KCNMA1: variants seen among roughly 807,000 people sequenced by gnomAD.
The protein encoded by KCNMA1 is potassium calcium-activated channel subfamily M alpha 1, also known as Calcium-activated potassium channel subunit alpha-1.
KCNMA1 carries 29 observed loss-of-function variants against 140.0 expected under a neutral mutation model. That is an observed-to-expected ratio of 0.21 (90% CI 0.15 to 0.28). The LOEUF (loss-of-function observed/expected upper bound fraction) is 0.28, where lower values mean the gene tolerates loss of function less well. Ranked by LOEUF, KCNMA1 falls within the 10% of genes least tolerant of loss-of-function variation. KCNMA1 has a pLI of 1.00. For synonymous variants in KCNMA1, 612 were observed against 611.9 expected (o/e 1.00, Z 0.00); for missense variants, 880 against 1,602.2 (o/e 0.55, Z 7.70).
rs2152885623 is a variant in KCNMA1, at chr10:76,944,890, T to C, written c.2785A>G (p.Asn929Asp). 1.2e-6 allele frequency: 2 copies of C among 1,614,006 alleles called. No individual in the cohort carries two copies. Among genetic ancestry groups the C allele is most frequent in the Non-Finnish European group, 1.7e-6 (2 of 1,179,954 alleles). Reference sequence around the variant, plus strand: ...GAAGTATCATCAATATTATTCTGATTGGCTGACAGGATAACGCACATGTCA... The same window carrying C: ...GAAGTATCATCAATATTATTCTGATCGGCTGACAGGATAACGCACATGTCA... ...LCDMCVILSA[N>D]QNNIDDTSLQ... The change falls in exon 23 of 28, where the codon AAT becomes GAT. Residue 929 changes from asparagine (N) to aspartate (D), a missense_variant. Transcript: ENST00000286628.
At chr10:77,238,033 T>C in intron 3 of KCNMA1, among the ~76,000 whole-genome samples, 1 of 152,138 alleles carries the variant, frequency 6.6e-6, no homozygotes, top group African/African-American at 2.4e-5. Context: ...CCTGCACCAA[T>C]TAAACTGTCA....
chr10:77,215,219 C>T (rs2047323197), intron 3 of KCNMA1, among the ~76,000 whole-genome samples: 1 of 152,102 alleles, frequency 6.6e-6, no homozygotes, highest in African/African-American at 2.4e-5. Context: ...CTTCCATTCA[C>T]TCCACATCCA....
At chr10:77,450,401 T>C (rs1425569868) in intron 1 of KCNMA1, among the ~76,000 whole-genome samples, 1 of 152,184 alleles carries the variant, frequency 6.6e-6, no homozygotes, top group Non-Finnish European at 1.5e-5. Context: ...ATATATTATG[T>C]ATATTAACCA....
Position 77,610,052 on chromosome 10 carries a change from C to T in KCNMA1, c.378+27213G>A, listed in dbSNP as rs181136395. On this transcript the variant is annotated intron_variant, in intron 1 of 27. Transcript: ENST00000286628. The stretch of plus-strand genomic sequence containing the variant: ...AAGGCCAGGTCACCCTGTTCCCACC[C>T]TGCACCAGCTGCTCCTCTGCCTGCG... 1.2e-4 allele frequency among the ~76,000 whole-genome samples: 19 copies of T among 152,332 alleles called. No individual in the cohort carries two copies. The South Asian group carries it at 1.7e-3, about 13-fold the overall frequency.
At chr10:77,089,734 G>C (rs1236171318) in intron 10 of KCNMA1, among the ~76,000 whole-genome samples, 1 of 152,186 alleles carries the variant, frequency 6.6e-6, no homozygotes, top group Non-Finnish European at 1.5e-5. Flanking sequence ...AACTAGGTAG[G>C]AACTACTATC....
chr10:77,090,259 C>T (rs2096782175), intron 10 of KCNMA1, 141 bp downstream of exon 10: 4 of 729,888 alleles, frequency 5.5e-6, no homozygotes, highest in Non-Finnish European at 2.5e-6. Flanking sequence ...TCCAACGAGG[C>T]CAAAAGGGAT....
At chr10:77,036,042 G>A (rs1296033504) in intron 15 of KCNMA1, among the ~76,000 whole-genome samples, 1 of 152,218 alleles carries the variant, frequency 6.6e-6, no homozygotes, top group Non-Finnish European at 1.5e-5. Flanking sequence ...AATCTAATCA[G>A]CGGCCAGCAT....
chr10:77,389,345 T>C (rs2095729184), intron 2 of KCNMA1, among the ~76,000 whole-genome samples: 1 of 152,194 alleles, frequency 6.6e-6, no homozygotes, highest in Non-Finnish European at 1.5e-5. Context: ...CCTCCGGCAG[T>C]CATTATTTTA....
intron 1 of KCNMA1, among the ~76,000 whole-genome samples, chr10:77,433,277 C>A (rs771378490): frequency 6.6e-6 from 1 of 152,086 alleles, no homozygotes; most frequent in African/African-American, 2.4e-5. Flanking sequence ...CTCAGCCTCC[C>A]GAGTAGCTGG....
At chr10:77,306,073 G>A (rs2077630824) in intron 2 of KCNMA1, among the ~76,000 whole-genome samples, 1 of 152,170 alleles carries the variant, frequency 6.6e-6, no homozygotes. Flanking sequence ...GGGACACACA[G>A]AAGAAACCTC....
intron 10 of KCNMA1, among the ~76,000 whole-genome samples, chr10:77,088,523 A>C (rs1314640967): frequency 2.6e-5 from 4 of 152,076 alleles, no homozygotes; most frequent in Non-Finnish European, 4.4e-5. Flanking sequence ...TCTGCCTCTC[A>C]GGATCAAGTC....
intron 2 of KCNMA1, among the ~76,000 whole-genome samples, chr10:77,326,807 C>T (rs963457198): frequency 3.9e-5 from 6 of 152,140 alleles, no homozygotes; most frequent in Admixed American, 3.3e-4. Context: ...CCACTTTGGG[C>T]CTCAGCTTCC....
intron 6 of KCNMA1, among the ~76,000 whole-genome samples, chr10:77,117,539 CAA>C (rs56926398): frequency 0.021 from 472 of 22,430 alleles, 1 homozygote; most frequent in African/African-American, 0.067. Context: ...GAGTCTATCT[CAA>C]AAAAAAAAAA....
intron 14 of KCNMA1, among the ~76,000 whole-genome samples, chr10:77,059,705 C>T (rs2095667656): frequency 6.6e-6 from 1 of 151,886 alleles, no homozygotes; most frequent in African/African-American, 2.4e-5. Context: ...GAAGGAACTC[C>T]CTCAACCTCA....
At chr10:77,282,606 A>C (rs1434861018) in intron 2 of KCNMA1, among the ~76,000 whole-genome samples, 1 of 152,202 alleles carries the variant, frequency 6.6e-6, no homozygotes, top group Non-Finnish European at 1.5e-5. Context: ...AGGGAAACAG[A>C]GGCAGGCTTC....
At chr10:77,022,115 T>A (rs2092930154) in intron 16 of KCNMA1, among the ~76,000 whole-genome samples, 2 of 152,138 alleles carry the variant, frequency 1.3e-5, no homozygotes, top group South Asian at 4.1e-4. Context: ...TAGGAACACA[T>A]AAATTTTTCC....
chr10:77,600,384 A>G (rs1266654546), intron 1 of KCNMA1, among the ~76,000 whole-genome samples: 4 of 152,184 alleles, frequency 2.6e-5, no homozygotes, highest in Non-Finnish European at 5.9e-5. Context: ...CAAGCACCTG[A>G]CATACACCTC....
chr10:77,183,889 C>T lies in KCNMA1; in HGVS notation c.697-357G>A, dbSNP rs374266488. Among the ~76,000 whole-genome samples, 17 of 152,252 alleles carry T rather than the reference C, an allele frequency of 1.1e-4. No homozygotes were observed. In the South Asian group the frequency reaches 3.1e-3, roughly 28 times the overall value. The stretch of plus-strand genomic sequence containing the variant: ...ATTGGACACACACGTTTTCTAGTGC[C>T]CCATAGAGAGCCCTATATAGACTAA... On this transcript the variant is annotated intron_variant, in intron 4 of 27. Transcript: ENST00000286628.
chr10:77,604,040 A>G (rs1473966), intron 1 of KCNMA1, among the ~76,000 whole-genome samples: 77,973 of 152,154 alleles, frequency 0.51, 20,588 homozygotes, highest in African/African-American at 0.61. Context: ...AACTAACACT[A>G]TCTTTCCTAG....
Sources: gnomAD v4.1 joint callset for allele counts (sites outside exome capture counted in the v4.1 genomes callset) on GRCh38, gnomAD v4.1.1 for gene constraint, MANE v1.5 for transcripts, NCBI Gene and HGNC (gene_info 2026-07-23, HGNC 2026-07-21) for gene names.